The following PMFBP1 variants were observed in gnomAD, a reference collection of about 807,000 sequenced individuals.
The protein encoded by PMFBP1 is polyamine-modulated factor 1-binding protein 1.
Under a neutral mutation model 137.8 loss-of-function variants are expected in PMFBP1, and 131 were observed. That is an observed-to-expected ratio of 0.95 (90% confidence interval 0.82 to 1.10). The LOEUF (loss-of-function observed/expected upper bound fraction) is 1.10, where lower values mean the gene tolerates loss of function less well. Among genes scored for constraint, PMFBP1 ranks in the 50% least tolerant of loss-of-function variants. The pLI is 0.00. For missense variants in PMFBP1, 1,199 were observed against 1,175.4 expected, an observed-to-expected ratio of 1.02 and a Z score of -0.29; for synonymous variants, 490 against 450.4, an observed-to-expected ratio of 1.09 and a Z score of -1.11.
upstream of PMFBP1, among the ~76,000 whole-genome samples, chr16:72,178,793 G>A (rs920496140): frequency 6.6e-6 from 1 of 152,144 alleles, no homozygotes; most frequent in Admixed American, 6.6e-5. Context: ...TCTTCATGGA[G>A]TCAGGGCTCA....
At chr16:72,213,944 A>C in the PMFBP1 span, among the ~76,000 whole-genome samples, 1 of 152,244 alleles carries the variant, frequency 6.6e-6, no homozygotes, top group Non-Finnish European at 1.5e-5. Context: ...ATCCTGTTGT[A>C]AATATTGAAT....
At chr16:72,221,162 C>T in the PMFBP1 span, among the ~76,000 whole-genome samples, 1 of 152,090 alleles carries the variant, frequency 6.6e-6, no homozygotes, top group Non-Finnish European at 1.5e-5. Flanking sequence ...ATCCTCGCCC[C>T]CTGCCACCCC....
At chr16:72,189,243 A>G in the PMFBP1 span, among the ~76,000 whole-genome samples, 1 of 152,216 alleles carries the variant, frequency 6.6e-6, no homozygotes, top group Non-Finnish European at 1.5e-5. Context: ...CCAAGGCTAC[A>G]CAGCTCATCA....
At chr16:72,184,298 T>G in the PMFBP1 span, among the ~76,000 whole-genome samples, 1 of 152,168 alleles carries the variant, frequency 6.6e-6, no homozygotes, top group Non-Finnish European at 1.5e-5. Context: ...CAGCTCTCCA[T>G]CTGGAGCTCC....
the PMFBP1 span, among the ~76,000 whole-genome samples, chr16:72,242,517 C>G: frequency 6.6e-6 from 1 of 152,152 alleles, no homozygotes; most frequent in Admixed American, 6.5e-5. Context: ...CACTAGCTAT[C>G]AAAATTTCTA....
At chr16:72,176,224 T>A (rs1199369775), upstream of PMFBP1, among the ~76,000 whole-genome samples, 1 of 152,156 alleles carries the variant, frequency 6.6e-6, no homozygotes, top group Non-Finnish European at 1.5e-5. Context: ...AAGAGGCTTT[T>A]GAATGACAGA....
the PMFBP1 span, among the ~76,000 whole-genome samples, chr16:72,195,574 C>T: frequency 3.3e-5 from 5 of 152,214 alleles, no homozygotes; most frequent in Admixed American, 3.3e-4. Context: ...TTATGGAGAA[C>T]TCAAATGCTA....
chr16:72,191,301 C>T, the PMFBP1 span, among the ~76,000 whole-genome samples: 1 of 152,202 alleles, frequency 6.6e-6, no homozygotes. Context: ...GTCTTGCCTA[C>T]TAATTTGGAT....
Position 72,124,768 on chromosome 16 carries a change from T to C in PMFBP1, c.2588A>G (p.Glu863Gly). ...ACGCAGAAGCCAAGGCATGCCCACC[T>C]CCTTATCGTCCTCAAGGAGGTTCTC... ...LKENLLEDDK[E>G]PCCLPQWSVP... The change falls in exon 17 of 21, where the codon GAG becomes GGG. Residue 863 changes from glutamate (E) to glycine (G), a missense_variant and splice_region_variant. Transcript: ENST00000237353. 1 of 1,613,546 alleles carries C rather than the reference T, an allele frequency of 6.2e-7. No homozygotes were observed. The highest frequency in any genetic ancestry group is 1.1e-5 in the South Asian group (1 of 91,028).
At chr16:72,226,649 T>C in the PMFBP1 span, among the ~76,000 whole-genome samples, 2 of 152,186 alleles carry the variant, frequency 1.3e-5, no homozygotes, top group Non-Finnish European at 2.9e-5. Flanking sequence ...ACAAAAAATA[T>C]TTGAGGGCAG....
At chr16:72,128,373 C>G in intron 14 of PMFBP1, 3 of 1,364,232 alleles carry the variant, frequency 2.2e-6, no homozygotes, top group East Asian at 3.1e-5. Flanking sequence ...TGGATTCACT[C>G]AACTCTGGTC....
At chr16:72,133,135 C>G (rs1291758771) in intron 9 of PMFBP1, 144 bp from the exon 10 acceptor site, 8 of 834,112 alleles carry the variant, frequency 9.6e-6, no homozygotes, top group Non-Finnish European at 1.5e-5. Context: ...ACTCCTGTTC[C>G]CCTCAGGCTA....
chr16:72,181,183 G>A (rs2043275173), upstream of PMFBP1, among the ~76,000 whole-genome samples: 2 of 151,252 alleles, frequency 1.3e-5, no homozygotes, highest in South Asian at 2.1e-4. Context: ...AGGCTGCAGT[G>A]AGCCCAGATC....
At chr16:72,190,333 A>C in the PMFBP1 span, among the ~76,000 whole-genome samples, 1 of 152,188 alleles carries the variant, frequency 6.6e-6, no homozygotes, top group Admixed American at 6.5e-5. Flanking sequence ...CCCAGGAATG[A>C]GTGTGGACAG....
At chr16:72,235,035 T>A in the PMFBP1 span, among the ~76,000 whole-genome samples, 10 of 152,254 alleles carry the variant, frequency 6.6e-5, no homozygotes, top group African/African-American at 2.2e-4. Flanking sequence ...AGCACAAAAG[T>A]TTTTAATTTT....
chr16:72,244,036 A>G, the PMFBP1 span, among the ~76,000 whole-genome samples: 6 of 152,212 alleles, frequency 3.9e-5, no homozygotes, highest in African/African-American at 1.2e-4. Flanking sequence ...AAATTCTGAG[A>G]CTGTCTAGAG....
the PMFBP1 span, among the ~76,000 whole-genome samples, chr16:72,212,856 G>GA: frequency 6.6e-6 from 1 of 152,090 alleles, no homozygotes; most frequent in Non-Finnish European, 1.5e-5. Flanking sequence ...ACTTACAGTC[G>GA]AATGAAAAAT....
upstream of PMFBP1, among the ~76,000 whole-genome samples, chr16:72,175,413 T>C (rs2144542476): frequency 6.6e-6 from 1 of 152,312 alleles, no homozygotes; most frequent in Admixed American, 6.5e-5. Flanking sequence ...ACATACCACC[T>C]GCCCACATTG....
At chr16:72,169,000 T>C (rs1244738063) in intron 2 of PMFBP1, among the ~76,000 whole-genome samples, 1 of 152,218 alleles carries the variant, frequency 6.6e-6, no homozygotes, top group African/African-American at 2.4e-5. Context: ...GAAGCTAATG[T>C]TAAATTGAAG....
Sources: allele counts gnomAD v4.1 joint callset (sites outside exome capture counted in the v4.1 genomes callset), GRCh38; gene constraint gnomAD v4.1.1; transcripts MANE v1.5; gene names NCBI Gene and HGNC (gene_info 2026-07-23, HGNC 2026-07-21).